The following LIPH variants were observed in gnomAD, a reference collection of about 807,000 sequenced individuals.
The protein encoded by LIPH is lipase member H.
In LIPH, 32 loss-of-function variants were observed where a neutral mutation model predicts 47.6. That is an observed-to-expected ratio of 0.67 (90% CI 0.51 to 0.90). The LOEUF (loss-of-function observed/expected upper bound fraction) is 0.90, where lower values mean the gene tolerates loss of function less well. LIPH is among the 40% of genes least tolerant of loss of function. The pLI is 0.00. For synonymous variants in LIPH, 190 were observed against 195.6 expected (o/e 0.97, Z 0.24); for missense variants, 497 against 541.4 (o/e 0.92, Z 0.81).
intron 3 of LIPH, among the ~76,000 whole-genome samples, chr3:185,530,840 C>T (rs187444952): frequency 6.6e-6 from 1 of 152,074 alleles, no homozygotes; most frequent in Admixed American, 6.6e-5. Context: ...TGCATTCCAG[C>T]CTGGGTAACA....
At chr3:185,521,382 C>T (rs574459500) in intron 5 of LIPH, among the ~76,000 whole-genome samples, 4 of 152,236 alleles carry the variant, frequency 2.6e-5, no homozygotes, top group South Asian at 2.1e-4. Context: ...TAAATGCAAC[C>T]TCTAGTGGGT....
intron 5 of LIPH, among the ~76,000 whole-genome samples, chr3:185,520,872 C>CTTT (rs62975760): frequency 4.3e-5 from 6 of 141,054 alleles, no homozygotes; most frequent in African/African-American, 7.9e-5. Context: ...TAGCTTCTAT[C>CTTT]TTTTTTTTTT....
chr3:185,507,442 T>A lies in LIPH; in HGVS notation c.*1348A>T, dbSNP rs565293080. 3 of 151,842 alleles carry A rather than the reference T, an allele frequency of 2.0e-5. No homozygotes were observed. The highest frequency in any genetic ancestry group is 7.2e-5 in the African/African-American group (3 of 41,384). The allele number at this position is 151,842 out of a possible 1,614,324, so 9.4% of individuals were successfully genotyped here. On this transcript the variant is annotated 3_prime_UTR_variant, in exon 10 of 10. Transcript: ENST00000296252. The stretch of plus-strand genomic sequence containing the variant: ...GCAGTTGAAGGAGCAATCACTTGGG[T>A]GAAGAGGAGGTGACTGGGCCTGTCA...
chr3:185,543,046 T>TA (rs1400584408), intron 1 of LIPH, among the ~76,000 whole-genome samples: 1 of 151,756 alleles, frequency 6.6e-6, no homozygotes, highest in African/African-American at 2.4e-5. Context: ...CCGTCTCTAC[T>TA]AAAAATACAA....
rs1180211034 is a variant in LIPH at position 185,529,906 on chromosome 3, A to AAAAGAAAGAAAG, written c.527-2333_527-2322dup. Reference sequence around the variant, plus strand: ...AAGAGAGAGAGAGAAAGAGAGAAAGAAAAGAAAGAAAGAAAGAAAGAAAGA... The same window carrying AAAAGAAAGAAAG: ...AAGAGAGAGAGAGAAAGAGAGAAAGAAAAGAAAGAAAGAAAGAAAGAAAGAAAGAAAGAAAGA... On this transcript the variant is annotated intron_variant, in intron 3 of 9. Coordinates refer to ENST00000296252, the MANE Select transcript of LIPH (RefSeq NM_139248.3). Among the ~76,000 whole-genome samples, 1,180 of 122,700 alleles carry AAAAGAAAGAAAG rather than the reference A, an allele frequency of 9.6e-3. 33 individuals carry two copies. The highest frequency in any genetic ancestry group is 0.029 in the African/African-American group (910 of 30,952). 80.5% of individuals were successfully genotyped at this position (122,700 alleles called of 152,430 possible).
At chr3:185,513,420 T>C (rs1279597571) in intron 8 of LIPH, among the ~76,000 whole-genome samples, 2 of 151,586 alleles carry the variant, frequency 1.3e-5, no homozygotes, top group African/African-American at 4.9e-5. Context: ...ATCAAAATAA[T>C]AGAACATAAC....
rs1560154658 is a variant in LIPH, at chr3:185,511,685, T to A, written c.1107A>T (p.Thr369=). The change falls in exon 9 of 10, where the codon ACA becomes ACT. Residue 369 remains threonine (T), a synonymous_variant. Coordinates refer to ENST00000296252, the MANE Select transcript of LIPH (RefSeq NM_139248.3). ...GACTCACTTGGTGATATTTCTGAAA[T>A]GTGGTGGGTTCACTGGAAGGAAGAA... is the stretch of plus-strand genomic sequence containing the variant. ...TESKINHEPT[T]FQKYHQVSLL... 6.2e-7 allele frequency: 1 copy of A among 1,611,776 alleles called. No individual in the cohort carries two copies. Among genetic ancestry groups the A allele is most frequent in the Non-Finnish European group, 8.5e-7 (1 of 1,177,892 alleles).
chr3:185,528,323 G>GAAAAAGAAAGAAAGAAAGA (rs1553822820), intron 3 of LIPH, among the ~76,000 whole-genome samples: 3 of 125,514 alleles, frequency 2.4e-5, no homozygotes, highest in East Asian at 2.4e-4. Context: ...AAGAAAGAAA[G>GAAAAAGAAAGAAAGAAAGA]AAGAAAGAAA....
chr3:185,512,487 C>CTTTT (rs549114120), intron 8 of LIPH, among the ~76,000 whole-genome samples: 1 of 130,964 alleles, frequency 7.6e-6, no homozygotes, highest in Non-Finnish European at 1.6e-5. Context: ...GACATTAATC[C>CTTTT]TTTTTTTTTT....
At position 185,514,543 on chromosome 3, in the gene LIPH, C is replaced by T. The variant is rs115083917; in HGVS notation, c.983-22G>A. 4.8e-4 allele frequency: 435 copies of T among 911,652 alleles called. 1 individual carries two copies. In the African/African-American group the frequency reaches 5.7e-3, roughly 12 times the overall value. The allele number at this position is 911,652 out of a possible 1,614,324, so 56.5% of individuals were successfully genotyped here. A position where few individuals can be genotyped will look rare whatever the true frequency, so the allele number is the denominator to read the frequency against. ...TACACTGCAAAACAGAGAGAGAACA[C>T]GGTAAGAGAGAGATACTACCAACTG... On this transcript the variant is annotated intron_variant, in intron 7 of 9. Coordinates refer to ENST00000296252, the MANE Select transcript of LIPH (RefSeq NM_139248.3).
intron 3 of LIPH, among the ~76,000 whole-genome samples, chr3:185,528,323 G>GAAGAAAAAGAAAGA (rs1553822821): frequency 2.4e-5 from 3 of 125,514 alleles, no homozygotes; most frequent in Non-Finnish European, 3.3e-5. Flanking sequence ...AAGAAAGAAA[G>GAAGAAAAAGAAAGA]AAGAAAGAAA....
intron 1 of LIPH, chr3:185,547,069 A>G: frequency 1.0e-5 from 3 of 292,786 alleles, no homozygotes; most frequent in Admixed American, 4.8e-5. Flanking sequence ...TGAACCCGGG[A>G]GGCGGAGGTT....
chr3:185,548,060 A>T (rs961755771), intron 1 of LIPH, among the ~76,000 whole-genome samples: 6 of 152,168 alleles, frequency 3.9e-5, no homozygotes, highest in Admixed American at 3.9e-4. Context: ...AAAGTCCAAG[A>T]AATAAAAATC....
chr3:185,525,615 C>T (rs1720046297), intron 4 of LIPH, among the ~76,000 whole-genome samples: 1 of 151,696 alleles, frequency 6.6e-6, no homozygotes. Flanking sequence ...TTGTCTCTAT[C>T]AGTGAAAAAA....
At chr3:185,549,829 G>A (rs748152615) in intron 1 of LIPH, among the ~76,000 whole-genome samples, 4 of 152,004 alleles carry the variant, frequency 2.6e-5, no homozygotes, top group Non-Finnish European at 2.9e-5. Flanking sequence ...CCAAGTGCTG[G>A]GACTACAGAT....
rs144514897 is a variant in LIPH, at chr3:185,548,104, T to A, written c.49+4319A>T. ...TTTTAGGCCAGAAACTTTGCCTTCC[T>A]CGTATTAGAAAATGAGTTGGGGCCG... On this transcript the variant is annotated intron_variant, in intron 1 of 9. Transcript: ENST00000296252. Among the ~76,000 whole-genome samples the A allele has an allele frequency of 5.9e-3, 901 of 152,220 alleles. 9 individuals carry two copies. Among genetic ancestry groups the A allele is most frequent in the Middle Eastern group, 0.044 (13 of 294 alleles).
At chr3:185,550,052 A>C (rs1272231757) in intron 1 of LIPH, among the ~76,000 whole-genome samples, 2 of 152,188 alleles carry the variant, frequency 1.3e-5, no homozygotes, top group African/African-American at 4.8e-5. Context: ...AGATTAGAAA[A>C]CAAAACAAAC....
In LIPH at chr3:185,506,758, G is replaced by T. The variant is rs1413214029; in HGVS notation, c.*2032C>A. The T allele has an allele frequency of 6.8e-6, 1 of 147,558 alleles. No homozygotes were observed. Among genetic ancestry groups the T allele is most frequent in the African/African-American group, 2.5e-5 (1 of 39,882 alleles). 9.1% of individuals were successfully genotyped at this position (147,558 alleles called of 1,614,324 possible). A position where few individuals can be genotyped will look rare whatever the true frequency, so the allele number is the denominator to read the frequency against. On this transcript the variant is annotated 3_prime_UTR_variant, in exon 10 of 10. Coordinates refer to ENST00000296252, the MANE Select transcript of LIPH (RefSeq NM_139248.3). ...TGAGGCAGAGAATTGCTTGAACCCG[G>T]GAGGCAGAGGTTGCAGTGAGCCAAG...
chr3:185,542,610 C>T (rs1426623872), intron 1 of LIPH, among the ~76,000 whole-genome samples: 1 of 152,192 alleles, frequency 6.6e-6, no homozygotes, highest in East Asian at 1.9e-4. Flanking sequence ...AGCCACCACA[C>T]CCAGCCACTT....
Sources: gnomAD v4.1 joint callset for allele counts (sites outside exome capture counted in the v4.1 genomes callset) on GRCh38, gnomAD v4.1.1 for gene constraint, MANE v1.5 for transcripts, NCBI Gene and HGNC (gene_info 2026-07-23, HGNC 2026-07-21) for gene names.